The following ESR1 variants were observed in gnomAD, a reference collection of about 807,000 sequenced individuals.
ESR1 encodes the protein estrogen receptor 1, also known as estrogen receptor.
ESR1 carries 12 observed loss-of-function variants against 52.7 expected under a neutral mutation model. That is an observed-to-expected ratio of 0.23 (90% CI 0.15 to 0.37). ESR1 has a LOEUF of 0.37. Ranked by LOEUF, ESR1 falls within the 10% of genes least tolerant of loss-of-function variation. The pLI, the probability that ESR1 is intolerant of heterozygous loss-of-function variation, is 1.00. For missense variants in ESR1, 584 were observed against 779.7 expected (o/e 0.75, Z 2.99); for synonymous variants, 305 against 316.8 (o/e 0.96, Z 0.39).
chr6:152,094,665 G>A lies in ESR1; in HGVS notation c.1553+97G>A. On this transcript the variant is annotated intron_variant, in intron 7 of 7. Coordinates refer to ENST00000206249, the MANE Select transcript of ESR1 (RefSeq NM_000125.4). The surrounding 1 kb of genome is among the most constrained non-coding windows in gnomAD (Gnocchi z 4.6). ...CCGGGAAGGACTGGTGCCTGCATAT[G>A]GAGAGTGCACTTGTGACAGTTCCTG... is the stretch of plus-strand genomic sequence containing the variant. 1.8e-6 allele frequency: 2 copies of A among 1,090,088 alleles called. No homozygotes were observed. The highest frequency in any genetic ancestry group is 2.5e-5 in the East Asian group (1 of 39,724). 67.5% of individuals were successfully genotyped at this position (1,090,088 alleles called of 1,614,324 possible).
chr6:152,008,180 T>C (rs955111623), intron 4 of ESR1, among the ~76,000 whole-genome samples: 2 of 152,112 alleles, frequency 1.3e-5, no homozygotes, highest in Non-Finnish European at 2.9e-5. Context: ...CATCTAATAA[T>C]CTTTCATAGT....
chr6:151,727,362 C>T (rs1015222385), intron 2 of ESR1, among the ~76,000 whole-genome samples: 18 of 152,018 alleles, frequency 1.2e-4, no homozygotes, highest in East Asian at 7.8e-4. Context: ...CCATCACGCC[C>T]GGCTAATTTT....
At chr6:151,889,312 A>T (rs1794353536) in intron 3 of ESR1, among the ~76,000 whole-genome samples, 2 of 152,106 alleles carry the variant, frequency 1.3e-5, no homozygotes, top group African/African-American at 4.8e-5. Flanking sequence ...TCCATAGAGG[A>T]CTTTTTATTG....
intron 2 of ESR1, among the ~76,000 whole-genome samples, chr6:151,734,740 A>G (rs955754047): frequency 6.6e-6 from 1 of 151,668 alleles, no homozygotes; most frequent in Non-Finnish European, 1.5e-5. Context: ...CTCCTGCCTC[A>G]GCCTCCCGAG....
chr6:151,727,913 G>A (rs1432738996), intron 2 of ESR1, among the ~76,000 whole-genome samples: 4 of 152,294 alleles, frequency 2.6e-5, no homozygotes, highest in Non-Finnish European at 5.9e-5. Context: ...CAGCCATTTG[G>A]AACTGTGAGT....
At chr6:152,097,933 C>T (rs937569148) in intron 7 of ESR1, among the ~76,000 whole-genome samples, 1 of 152,160 alleles carries the variant, frequency 6.6e-6, no homozygotes, top group Non-Finnish European at 1.5e-5. Context: ...GATAAGAGTG[C>T]TGAGAAAAAC....
rs201118302 is a variant in ESR1 at position 152,098,905 on chromosome 6, C to T, written c.1727C>T (p.Ser576Leu). 3.0e-5 allele frequency: 49 copies of T among 1,614,116 alleles called. No individual in the cohort carries two copies. Among genetic ancestry groups the T allele is most frequent in the Middle Eastern group, 1.6e-4 (1 of 6,084 alleles). Residue 576 changes from serine (S) to leucine (L), a missense_variant, in exon 8 of 8, where the codon TCG becomes TTG. Coordinates refer to ENST00000206249, the MANE Select transcript of ESR1 (RefSeq NM_000125.4). This position sits in a 1 kb window ranked among gnomAD's most constrained non-coding sequence, Gnocchi z 5.1. The part of the protein sequence containing the change: ...SHLATAGSTS[S>L]HSLQKYYITG... ...TTGGCCACTGCGGGCTCTACTTCAT[C>T]GCATTCCTTGCAAAAGTATTACATC...
At chr6:151,832,947 C>G (rs1264919383) in intron 1 of ESR1, among the ~76,000 whole-genome samples, 1 of 152,074 alleles carries the variant, frequency 6.6e-6, no homozygotes, top group African/African-American at 2.4e-5. Flanking sequence ...TCTGGAGATG[C>G]ACAGTGGACA....
intron 2 of ESR1, among the ~76,000 whole-genome samples, chr6:151,869,167 A>G (rs1440550952): frequency 6.6e-6 from 1 of 152,196 alleles, no homozygotes; most frequent in African/African-American, 2.4e-5. Flanking sequence ...TCAGCTTAGG[A>G]CAAGAACAGT....
At chr6:151,869,412 A>G (rs978966898) in intron 2 of ESR1, among the ~76,000 whole-genome samples, 1 of 152,110 alleles carries the variant, frequency 6.6e-6, no homozygotes, top group Admixed American at 6.6e-5. Context: ...CCTTTTCTGG[A>G]CTGTAGAATA....
intron 2 of ESR1, among the ~76,000 whole-genome samples, chr6:151,858,020 AC>A (rs1488668760): frequency 6.6e-6 from 1 of 152,076 alleles, no homozygotes; most frequent in East Asian, 1.9e-4. Flanking sequence ...TTATATACTA[AC>A]TTTTTTTTAC....
rs1156388312 is a variant in ESR1 at position 151,850,088 on chromosome 6, A to ATG, written c.643+7302_643+7303insGT. 1.2e-4 allele frequency among the ~76,000 whole-genome samples: 4 copies of ATG among 33,030 alleles called. 1 individual carries two copies. Among genetic ancestry groups the ATG allele is most frequent in the African/African-American group, 3.4e-4 (2 of 5,866 alleles). The allele number at this position is 33,030 out of a possible 152,430, so 21.7% of individuals were successfully genotyped here. On this transcript the variant is annotated intron_variant, in intron 2 of 7. Transcript: ENST00000206249. ...TATATATATATAAAAAATTATATATATATAATTTTATATATATATACAAAA... is the reference window on the plus strand; with the variant it reads ...TATATATATATAAAAAATTATATATATGTATAATTTTATATATATATACAAAA...
At chr6:151,893,467 T>TTTATATATAAAA (rs1794996857) in intron 3 of ESR1, among the ~76,000 whole-genome samples, 1 of 151,528 alleles carries the variant, frequency 6.6e-6, no homozygotes, top group Non-Finnish European at 1.5e-5. Flanking sequence ...GTGATTATAT[T>TTTATATATAAAA]TTTTATATTT....
At chr6:151,733,281 A>G (rs1782394340) in intron 2 of ESR1, among the ~76,000 whole-genome samples, 1 of 152,190 alleles carries the variant, frequency 6.6e-6, no homozygotes, top group Non-Finnish European at 1.5e-5. Context: ...CAAGAGCCCA[A>G]GTTATTGGCC....
upstream of ESR1, chr6:151,807,072 A>C (rs1171774790): frequency 6.6e-6 from 1 of 152,250 alleles, no homozygotes; most frequent in Non-Finnish European, 1.5e-5. Flanking sequence ...GGCAGGTTGC[A>C]TTCTCCTGAT....
rs189316231 is a variant in ESR1, at chr6:152,087,536, C to T, written c.1370-6849C>T. Among the ~76,000 whole-genome samples the T allele has an allele frequency of 2.0e-5, 3 of 152,232 alleles. No individual in the cohort carries two copies. In the East Asian group the frequency reaches 5.8e-4, roughly 29 times the overall value. ...CCACGAACATGTTGATATCATAACCCTCTTTTATGTGGTCACTCAGGGACT... is the reference window on the plus strand; with the variant it reads ...CCACGAACATGTTGATATCATAACCTTCTTTTATGTGGTCACTCAGGGACT... On this transcript the variant is annotated intron_variant, in intron 6 of 7. Coordinates refer to ENST00000206249, the MANE Select transcript of ESR1 (RefSeq NM_000125.4).
chr6:151,820,539 C>A (rs1314780577), intron 1 of ESR1, among the ~76,000 whole-genome samples: 1 of 152,094 alleles, frequency 6.6e-6, no homozygotes, highest in Admixed American at 6.5e-5. Flanking sequence ...GTCATACAAC[C>A]AGTACTGGAG....
intron 2 of ESR1, among the ~76,000 whole-genome samples, chr6:151,786,781 A>AACTCC (rs1377702920): frequency 1.3e-5 from 2 of 151,400 alleles, no homozygotes. Flanking sequence ...AGCCTTAGTT[A>AACTCC]TTGAATAAGG....
chr6:151,862,206 G>A (rs1789008749), intron 2 of ESR1, among the ~76,000 whole-genome samples: 1 of 152,166 alleles, frequency 6.6e-6, no homozygotes, highest in Non-Finnish European at 1.5e-5. Context: ...ACCAAGGTAT[G>A]TAAGAAACAA....
Sources: gnomAD v4.1 joint callset for allele counts (sites outside exome capture counted in the v4.1 genomes callset) on GRCh38, gnomAD v4.1.1 for gene constraint, Gnocchi (gnomAD v3.1) non-coding constraint, MANE v1.5 for transcripts, NCBI Gene and HGNC (gene_info 2026-07-23, HGNC 2026-07-21) for gene names.